The following MYT1L variants were observed in gnomAD, a reference collection of about 807,000 sequenced individuals.
MYT1L encodes myelin transcription factor 1 like.
A neutral mutation model predicts 126.7 loss-of-function variants in MYT1L; 12 were observed. That is an observed-to-expected ratio of 0.09 (90% CI 0.06 to 0.15). The LOEUF (loss-of-function observed/expected upper bound fraction) is 0.15, where lower values mean the gene tolerates loss of function less well. MYT1L is among the 10% of genes least tolerant of loss of function. MYT1L has a pLI of 1.00. For synonymous variants in MYT1L, 541 were observed against 604.2 expected, an observed-to-expected ratio of 0.90 and a Z score of 1.53; for missense variants, 979 against 1,585.2, an observed-to-expected ratio of 0.62 and a Z score of 6.49.
chr2:1,797,958 C>CTCCAT (rs2034001793), intron 23 of MYT1L, among the ~76,000 whole-genome samples: 1 of 50,852 alleles, frequency 2.0e-5, no homozygotes. Context: ...GGCGGTCTCC[C>CTCCAT]CCTTCTCCGG....
At chr2:2,163,287 C>T (rs1287628045) in intron 3 of MYT1L, among the ~76,000 whole-genome samples, 1 of 152,148 alleles carries the variant, frequency 6.6e-6, no homozygotes, top group Non-Finnish European at 1.5e-5. Flanking sequence ...GGCTAAGATG[C>T]TATCTCTTAC....
chr2:1,984,635 G>A (rs534493756), intron 5 of MYT1L, among the ~76,000 whole-genome samples: 96 of 144,698 alleles, frequency 6.6e-4, no homozygotes, highest in South Asian at 3.1e-3. Context: ...TCAGCCTCCC[G>A]AGTAGCTGGG....
intron 22 of MYT1L, among the ~76,000 whole-genome samples, chr2:1,805,090 A>C (rs1406820346): frequency 6.6e-6 from 1 of 152,190 alleles, no homozygotes; most frequent in Admixed American, 6.5e-5. Context: ...GCTCAGGCAG[A>C]GCTGAGTACT....
In MYT1L at chr2:2,089,451, A is replaced by C. The variant is rs571432556; in HGVS notation, c.-303-35328T>G. The stretch of plus-strand genomic sequence containing the variant: ...CTGTCTTCTTAGGTCTTTCCTAATA[A>C]AGCTACACACATGAAAGAAACAGAA... On this transcript the variant is annotated intron_variant, in intron 3 of 24. Coordinates refer to ENST00000647738, the MANE Select transcript of MYT1L (RefSeq NM_001303052.2). Among the ~76,000 whole-genome samples the C allele has an allele frequency of 3.3e-5, 5 of 152,356 alleles. No homozygotes were observed. In the East Asian group the frequency reaches 7.7e-4, roughly 23 times the overall value.
At chr2:2,230,064 A>G (rs897595228) in intron 2 of MYT1L, among the ~76,000 whole-genome samples, 2 of 152,292 alleles carry the variant, frequency 1.3e-5, no homozygotes, top group East Asian at 3.9e-4. Flanking sequence ...CTTCATGTAA[A>G]TTACATTTCA....
At chr2:2,251,221 T>C (rs1159623738) in intron 2 of MYT1L, among the ~76,000 whole-genome samples, 1 of 152,236 alleles carries the variant, frequency 6.6e-6, no homozygotes, top group African/African-American at 2.4e-5. Flanking sequence ...TTTATTTTTC[T>C]CTTATAATTT....
chr2:2,101,469 C>T (rs1370433259), intron 3 of MYT1L, among the ~76,000 whole-genome samples: 1 of 152,136 alleles, frequency 6.6e-6, no homozygotes, highest in Non-Finnish European at 1.5e-5. Context: ...ACCCACCCAC[C>T]AATCTATCCA....
Position 1,912,162 on chromosome 2 carries a change from T to G in MYT1L, c.1619-52A>C. 1.8e-4 allele frequency: 235 copies of G among 1,317,910 alleles called. No homozygotes were observed. The highest frequency in any genetic ancestry group is 2.2e-4 in the Non-Finnish European group (210 of 950,464). The allele number at this position is 1,317,910 out of a possible 1,614,324, so 81.6% of individuals were successfully genotyped here. ...GCCAGTGTTAAAACAGAGGCACGGT[T>G]AGGGCACATGAAAATGCAGTCATTT... is the stretch of plus-strand genomic sequence containing the variant. On this transcript the variant is annotated intron_variant, in intron 11 of 24. Coordinates refer to ENST00000647738, the MANE Select transcript of MYT1L (RefSeq NM_001303052.2). This position sits in a 1 kb window ranked among gnomAD's most constrained non-coding sequence, Gnocchi z 4.3.
Position 1,892,235 on chromosome 2 carries a change from G to A in MYT1L, c.2085C>T (p.Tyr695=), listed in dbSNP as rs1338971048. Residue 695 remains tyrosine, a synonymous_variant, in exon 15 of 25, where the codon TAC becomes TAT. Coordinates refer to ENST00000647738, the MANE Select transcript of MYT1L (RefSeq NM_001303052.2). ...PSPSSSSTSS[Y]APSSSSNLSC... ...TCAGGTTGCTGCTGCTGCTGGGCGCGTAGCTGCTGGTGCTGCTGCTGCTGG... is the reference window on the plus strand; with the variant it reads ...TCAGGTTGCTGCTGCTGCTGGGCGCATAGCTGCTGGTGCTGCTGCTGCTGG... 5 of 1,550,020 alleles carry A rather than the reference G, an allele frequency of 3.2e-6. No individual in the cohort carries two copies. The highest frequency in any genetic ancestry group is 2.4e-5 in the East Asian group (1 of 40,886).
chr2:2,207,042 T>A (rs2093347318), intron 2 of MYT1L, among the ~76,000 whole-genome samples: 1 of 152,186 alleles, frequency 6.6e-6, no homozygotes, highest in Non-Finnish European at 1.5e-5. Flanking sequence ...TGTTAATGAA[T>A]CAACAATATG....
chr2:2,045,719 C>T (rs1348616531), intron 4 of MYT1L, among the ~76,000 whole-genome samples: 1 of 152,194 alleles, frequency 6.6e-6, no homozygotes, highest in Non-Finnish European at 1.5e-5. Flanking sequence ...CACACAGGAC[C>T]TATATTTTTC....
intron 2 of MYT1L, among the ~76,000 whole-genome samples, chr2:2,203,084 A>G (rs539428192): frequency 4.3e-4 from 64 of 150,188 alleles, no homozygotes; most frequent in African/African-American, 1.6e-3. Flanking sequence ...AGTTCATGCT[A>G]AAAACTCTCA....
At chr2:2,030,649 T>C (rs186682398) in intron 4 of MYT1L, among the ~76,000 whole-genome samples, 39 of 152,364 alleles carry the variant, frequency 2.6e-4, no homozygotes, top group African/African-American at 9.4e-4. Context: ...GTAAGCTGAA[T>C]GTATATCCTT....
At chr2:2,306,251 G>A (rs189322787) in intron 1 of MYT1L, 107 of 152,300 alleles carry the variant, frequency 7.0e-4, no homozygotes, top group African/African-American at 2.6e-3. Flanking sequence ...CTGTGAATAA[G>A]CTGCAGGAGT....
At chr2:2,108,824 C>T (rs1459096669) in intron 3 of MYT1L, among the ~76,000 whole-genome samples, 2 of 152,038 alleles carry the variant, frequency 1.3e-5, no homozygotes, top group Non-Finnish European at 2.9e-5. Flanking sequence ...TATTTTGTTA[C>T]TTAGCTCTAT....
intron 3 of MYT1L, among the ~76,000 whole-genome samples, chr2:2,160,851 G>T (rs2087758552): frequency 2.0e-5 from 3 of 152,192 alleles, no homozygotes; most frequent in Non-Finnish European, 4.4e-5. Flanking sequence ...GAAAGGCCAT[G>T]TAGACCAAAG....
chr2:2,136,742 G>T (rs1241454730), intron 3 of MYT1L, among the ~76,000 whole-genome samples: 1 of 152,080 alleles, frequency 6.6e-6, no homozygotes, highest in Non-Finnish European at 1.5e-5. Context: ...ATACTGAATT[G>T]GCATAAACTG....
chr2:2,130,265 A>G (rs1449438468), intron 3 of MYT1L, among the ~76,000 whole-genome samples: 1 of 151,840 alleles, frequency 6.6e-6, no homozygotes, highest in Non-Finnish European at 1.5e-5. Flanking sequence ...GCATATTAAT[A>G]TAACAGAAGA....
intron 4 of MYT1L, among the ~76,000 whole-genome samples, chr2:2,053,273 T>C (rs2069066158): frequency 6.6e-6 from 1 of 151,514 alleles, no homozygotes; most frequent in Non-Finnish European, 1.5e-5. Context: ...CCTGGGGAGG[T>C]AGTGTTTAAC....
Sources: gnomAD v4.1 joint callset for allele counts (sites outside exome capture counted in the v4.1 genomes callset) on GRCh38, gnomAD v4.1.1 for gene constraint, Gnocchi (gnomAD v3.1) non-coding constraint, MANE v1.5 for transcripts, NCBI Gene and HGNC (gene_info 2026-07-23, HGNC 2026-07-21) for gene names.